Variants in NBEAL1 observed in about 807,000 individuals in gnomAD.
The protein encoded by NBEAL1 is neurobeachin like 1.
A neutral mutation model predicts 351.3 loss-of-function variants in NBEAL1; 273 were observed. That is an observed-to-expected ratio of 0.78 (90% CI 0.70 to 0.86). NBEAL1 has a LOEUF of 0.86. Ranked by LOEUF, NBEAL1 falls within the 40% of genes least tolerant of loss-of-function variation. NBEAL1 has a pLI of 0.00. For missense variants in NBEAL1, 2,961 were observed against 3,201.3 expected, an observed-to-expected ratio of 0.92 and a Z score of 1.81; for synonymous variants, 1,050 against 1,086.4, an observed-to-expected ratio of 0.97 and a Z score of 0.66.
chr2:203,019,424 C>CA (rs968308468), intron 2 of NBEAL1, among the ~76,000 whole-genome samples: 1 of 152,150 alleles, frequency 6.6e-6, no homozygotes. Flanking sequence ...AGCATCCTCC[C>CA]AAGATGATCA....
At chr2:203,140,931 A>T (rs1280219678) in intron 31 of NBEAL1, among the ~76,000 whole-genome samples, 1 of 152,148 alleles carries the variant, frequency 6.6e-6, no homozygotes, top group African/African-American at 2.4e-5. Flanking sequence ...GTGAGCCGAG[A>T]TCATGCCACT....
chr2:203,215,267 G>A (rs1338568148), intron 55 of NBEAL1, among the ~76,000 whole-genome samples: 3 of 152,182 alleles, frequency 2.0e-5, no homozygotes, highest in South Asian at 4.1e-4. Flanking sequence ...TTGGGAGGCC[G>A]AGGTGGGCGG....
rs906475491 is a variant in NBEAL1 at position 203,221,971 on chromosome 2, T to C, written c.*4617T>C. 1.3e-5 allele frequency among the ~76,000 whole-genome samples: 2 copies of C among 152,176 alleles called. No homozygotes were observed. The highest frequency in any genetic ancestry group is 1.3e-4 in the Admixed American group (2 of 15,276). On this transcript the variant is annotated 3_prime_UTR_variant, in exon 56 of 56. Coordinates refer to ENST00000683969, the MANE Select transcript of NBEAL1 (RefSeq NM_001378026.1). ...TAGGAGGCTGAGGCAGGAGGATCAC[T>C]GGAGCCTAGGAGCTCAAGACCAGCC...
At chr2:203,190,148 A>AG in intron 45 of NBEAL1, 144 bp from the exon 46 acceptor site, 1 of 573,484 alleles carries the variant, frequency 1.7e-6, no homozygotes, top group African/African-American at 2.0e-5. Context: ...AAAAAAAAAA[A>AG]AAGATGTGTG....
chr2:203,096,907 A>G (rs2062196778), intron 10 of NBEAL1, among the ~76,000 whole-genome samples: 1 of 152,210 alleles, frequency 6.6e-6, no homozygotes, highest in Non-Finnish European at 1.5e-5. Context: ...GGTTTGTGTC[A>G]GTAACAGCTT....
At chr2:203,123,213 A>G (rs545429002) in intron 19 of NBEAL1, among the ~76,000 whole-genome samples, 1 of 151,968 alleles carries the variant, frequency 6.6e-6, no homozygotes, top group African/African-American at 2.4e-5. Context: ...AATCATTAAG[A>G]TAATTTTGCC....
At chr2:203,167,021 T>G (rs2064153882) in intron 37 of NBEAL1, among the ~76,000 whole-genome samples, 1 of 152,196 alleles carries the variant, frequency 6.6e-6, no homozygotes, top group Admixed American at 6.5e-5. Flanking sequence ...TGTATTCTAA[T>G]GGGAAGGCAG....
intron 19 of NBEAL1, 115 bp downstream of exon 19, chr2:203,122,458 G>A (rs1375310835): frequency 6.3e-6 from 4 of 635,382 alleles, no homozygotes; most frequent in Non-Finnish European, 8.1e-6. Flanking sequence ...TCAGTTAAAG[G>A]GTTATGCAAA....
chr2:203,140,384 G>A (rs1441458608), intron 31 of NBEAL1, among the ~76,000 whole-genome samples: 4 of 151,550 alleles, frequency 2.6e-5, no homozygotes, highest in African/African-American at 7.3e-5. Flanking sequence ...ATAACTATTA[G>A]CATTTTAGTA....
chr2:203,183,325 T>G lies in NBEAL1; in HGVS notation c.6642T>G (p.Asp2214Glu), dbSNP rs1166431201. ...RLQISKELVN[D>E]VILPKWAKSA... is the part of the protein sequence containing the mutation. ...AGATTTCCAAAGAATTAGTAAATGA[T>G]GTCATTCTCCCGAAATGGGCTAAAT... Residue 2214 changes from aspartate to glutamate, a missense_variant, in exon 44 of 56, where the codon GAT becomes GAG. Physicochemically the swap from Asp to Glu is conservative, Grantham distance 45. Coordinates refer to ENST00000683969, the MANE Select transcript of NBEAL1 (RefSeq NM_001378026.1). 6.2e-7 allele frequency: 1 copy of G among 1,603,320 alleles called. No homozygotes were observed. The highest frequency in any genetic ancestry group is 2.2e-5 in the East Asian group (1 of 44,548).
chr2:203,049,791 A>T (rs1040816952), intron 3 of NBEAL1, 23 bp from the exon 4 acceptor site: 1 of 1,496,504 alleles, frequency 6.7e-7, no homozygotes, highest in Admixed American at 2.5e-5. Context: ...CAGGCTTCTT[A>T]TTTTTTTCCC....
chr2:203,085,187 C>G (rs2061940703), intron 10 of NBEAL1: 1 of 152,410 alleles, frequency 6.6e-6, no homozygotes, highest in Admixed American at 6.5e-5. Flanking sequence ...CTCCTGGGTT[C>G]AAGCAATTCT....
intron 52 of NBEAL1, 78 bp from the exon 53 acceptor site, chr2:203,209,083 C>G: frequency 8.7e-7 from 1 of 1,149,586 alleles, no homozygotes; most frequent in Non-Finnish European, 1.3e-6. Flanking sequence ...ATTTCTTTAT[C>G]TGGCCCACTC....
intron 24 of NBEAL1, among the ~76,000 whole-genome samples, chr2:203,129,093 CTGAACCAAGCCCT>C (rs2063013932): frequency 6.6e-6 from 1 of 152,146 alleles, no homozygotes; most frequent in Admixed American, 6.5e-5. Flanking sequence ...GATTCAACTG[CTGAACCAAGCCCT>C]CCAGATTATT....
At chr2:203,141,063 T>G (rs1408317809) in intron 31 of NBEAL1, among the ~76,000 whole-genome samples, 1 of 151,878 alleles carries the variant, frequency 6.6e-6, no homozygotes, top group Non-Finnish European at 1.5e-5. Context: ...ATTCTTTTTT[T>G]TTTCAACCTA....
At chr2:203,069,559 C>T (rs2061646893) in intron 7 of NBEAL1, among the ~76,000 whole-genome samples, 1 of 152,178 alleles carries the variant, frequency 6.6e-6, no homozygotes. Context: ...AGTAAAGTAT[C>T]CCATAAAAGC....
chr2:203,174,202 G>T (rs1575083712), intron 41 of NBEAL1, among the ~76,000 whole-genome samples: 4 of 90,560 alleles, frequency 4.4e-5, no homozygotes, highest in African/African-American at 4.6e-5. Flanking sequence ...AATTATCACA[G>T]TGCTTTATAC....
Position 203,217,203 on chromosome 2 carries a change from T to C in NBEAL1, c.8071-50T>C, listed in dbSNP as rs540410349. Reference sequence around the variant, plus strand: ...ATCAGTGTCTTACATATCTTTTTTTTAATTTTTTCTTAATATTTATTCTTC... The same window carrying C: ...ATCAGTGTCTTACATATCTTTTTTTCAATTTTTTCTTAATATTTATTCTTC... On this transcript the variant is annotated intron_variant, in intron 55 of 55. Coordinates refer to ENST00000683969, the MANE Select transcript of NBEAL1 (RefSeq NM_001378026.1). The C allele has an allele frequency of 5.1e-6, 7 of 1,375,094 alleles. No homozygotes were observed. In the East Asian group the frequency reaches 1.9e-4, roughly 37 times the overall value. The allele number at this position is 1,375,094 out of a possible 1,614,324, so 85.2% of individuals were successfully genotyped here.
At chr2:203,120,252 A>T (rs1397795807) in intron 18 of NBEAL1, among the ~76,000 whole-genome samples, 2 of 152,172 alleles carry the variant, frequency 1.3e-5, no homozygotes, top group Non-Finnish European at 2.9e-5. Flanking sequence ...ATTATTGGTT[A>T]TCTTTTCTAA....
Sources: allele counts gnomAD v4.1 joint callset (sites outside exome capture counted in the v4.1 genomes callset), GRCh38; gene constraint gnomAD v4.1.1; transcripts MANE v1.5; gene names NCBI Gene and HGNC (gene_info 2026-07-23, HGNC 2026-07-21).